METTL9: variants seen among roughly 807,000 people sequenced by gnomAD.
METTL9 encodes protein-L-histidine N-pros-methyltransferase.
Under a neutral mutation model 36.0 loss-of-function variants are expected in METTL9, and 10 were observed. The ratio of observed to expected loss-of-function variants is 0.28; its 90% confidence interval spans 0.17 to 0.47. The LOEUF is 0.47. METTL9 is among the 20% of genes least tolerant of loss of function. The pLI, the probability that METTL9 is intolerant of heterozygous loss-of-function variation, is 0.99. For missense variants in METTL9, 246 were observed against 383.5 expected (o/e 0.64, Z 3.00); for synonymous variants, 175 against 149.7 (o/e 1.17, Z -1.23).
intron 1 of METTL9, among the ~76,000 whole-genome samples, chr16:21,602,389 C>T (rs551700563): frequency 6.6e-6 from 1 of 152,236 alleles, no homozygotes; most frequent in South Asian, 2.1e-4. Flanking sequence ...TGCTCTAAAA[C>T]TGTAGTAGCA....
rs1205166321 is a variant in METTL9 at position 21,652,405 on chromosome 16, CTT to C, written c.752-2821_752-2820del. 3 of 638,472 alleles carry C rather than the reference CTT, an allele frequency of 4.7e-6. No homozygotes were observed. The African/African-American group carries it at 5.6e-5, about 12-fold the overall frequency. 39.6% of individuals were successfully genotyped at this position (638,472 alleles called of 1,614,324 possible). A position where few individuals can be genotyped will look rare whatever the true frequency, so the allele number is the denominator to read the frequency against. On this transcript the variant is annotated intron_variant, in intron 4 of 4. Transcript: ENST00000358154. ...TCAGGGGAAAAAGGAAACTTATCCT[CTT>C]AGGCAGTTTTCATAATGTTATACAT...
intron 4 of METTL9, among the ~76,000 whole-genome samples, chr16:21,649,569 A>G (rs1359825834): frequency 6.6e-6 from 1 of 152,226 alleles, no homozygotes; most frequent in African/African-American, 2.4e-5. Flanking sequence ...GTATATACTG[A>G]GTGGAAATTT....
intron 4 of METTL9, among the ~76,000 whole-genome samples, chr16:21,636,475 G>T (rs1966095347): frequency 6.6e-6 from 1 of 152,188 alleles, no homozygotes; most frequent in South Asian, 2.1e-4. Flanking sequence ...ACTCCAAGAG[G>T]TGAGAGGAAG....
chr16:21,641,500 AT>A (rs1248192426), intron 4 of METTL9: 2 of 1,390,756 alleles, frequency 1.4e-6, no homozygotes, highest in Non-Finnish European at 2.0e-6. Flanking sequence ...CTGGAGTTGG[AT>A]TTTCAGTGAC....
At chr16:21,599,229 A>C (rs1965024252), upstream of METTL9, among the ~76,000 whole-genome samples, 1 of 152,078 alleles carries the variant, frequency 6.6e-6, no homozygotes. This position sits in a 1 kb window ranked among gnomAD's most constrained non-coding sequence, Gnocchi z 4.4. Context: ...GTGGAGTGGG[A>C]TGAGGCGAGG....
In METTL9 at chr16:21,655,273, A is replaced by G. The variant is rs1203112320; in HGVS notation, c.798A>G (p.Gly266=). 2.5e-6 allele frequency: 4 copies of G among 1,614,106 alleles called. No homozygotes were observed. The highest frequency in any genetic ancestry group is 2.2e-5 in the East Asian group (1 of 44,904). ...EKPSEILEIK[G]QNWEEQVNSL... is the part of the protein sequence containing the mutation. ...CATCAGAAATTTTGGAAATCAAAGG[A>G]CAGAACTGGGAAGAACAAGTGAATA... The change falls in exon 5 of 5, where the codon GGA becomes GGG. Residue 266 remains glycine, a synonymous_variant. Transcript: ENST00000358154.
At chr16:21,634,400 A>G (rs1436239971) in intron 4 of METTL9, among the ~76,000 whole-genome samples, 1 of 152,226 alleles carries the variant, frequency 6.6e-6, no homozygotes, top group South Asian at 2.1e-4. Flanking sequence ...TTGCCCCAGC[A>G]TAGTGGACAT....
intron 4 of METTL9, chr16:21,644,523 AT>A: frequency 1.6e-6 from 1 of 635,362 alleles, no homozygotes; most frequent in Non-Finnish European, 2.7e-6. Flanking sequence ...GCCTATTCGT[AT>A]AAAAACTAGA....
At chr16:21,646,746 C>A (rs1966439639) in intron 4 of METTL9, 1 of 292,330 alleles carries the variant, frequency 3.4e-6, no homozygotes, top group East Asian at 8.8e-5. Flanking sequence ...CCTTCGCCTC[C>A]TGGGTTACAA....
rs1449544401 is a variant in METTL9, at chr16:21,599,626, C to T, written c.-108C>T. 8.2e-6 allele frequency: 11 copies of T among 1,334,108 alleles called. No homozygotes were observed. Among genetic ancestry groups the T allele is most frequent in the African/African-American group, 1.6e-5 (1 of 64,260 alleles). The allele number at this position is 1,334,108 out of a possible 1,614,324, so 82.6% of individuals were successfully genotyped here. On this transcript the variant is annotated 5_prime_UTR_variant, in exon 1 of 5. Coordinates refer to ENST00000358154, the MANE Select transcript of METTL9 (RefSeq NM_016025.5). This position sits in a 1 kb window ranked among gnomAD's most constrained non-coding sequence, Gnocchi z 4.4. ...GAAGGGGGCTGGATGGGCAAGGCGG[C>T]CGCGATGGCTCGAGCTCGGGCGGTG...
intron 4 of METTL9, chr16:21,641,470 C>T: frequency 1.1e-6 from 1 of 907,182 alleles, no homozygotes; most frequent in Non-Finnish European, 1.8e-6. Flanking sequence ...GATATATGTT[C>T]ATTAACACTG....
chr16:21,605,356 C>G (rs2152892673), intron 1 of METTL9, among the ~76,000 whole-genome samples: 1 of 130,606 alleles, frequency 7.7e-6, no homozygotes, highest in South Asian at 2.7e-4. Context: ...TCATATCTCA[C>G]TGCAGCCTCA....
chr16:21,638,661 T>C (rs888026167), intron 4 of METTL9, among the ~76,000 whole-genome samples: 14 of 152,132 alleles, frequency 9.2e-5, no homozygotes, highest in Admixed American at 9.2e-4. Flanking sequence ...TATGTCAAAC[T>C]AAGTACTGAA....
chr16:21,650,525 A>AT (rs1966543512), intron 4 of METTL9, among the ~76,000 whole-genome samples: 1 of 151,758 alleles, frequency 6.6e-6, no homozygotes, highest in Non-Finnish European at 1.5e-5. Context: ...AAAAAAAAAA[A>AT]AAATAGAGGT....
At chr16:21,621,201 A>T (rs1189493142) in intron 3 of METTL9, among the ~76,000 whole-genome samples, 3 of 151,888 alleles carry the variant, frequency 2.0e-5, no homozygotes, top group Non-Finnish European at 4.4e-5. Context: ...GTGTAGAGAC[A>T]GGAGTTTCAT....
At chr16:21,610,886 A>G (rs1965409588) in intron 1 of METTL9, among the ~76,000 whole-genome samples, 1 of 152,222 alleles carries the variant, frequency 6.6e-6, no homozygotes, top group Admixed American at 6.5e-5. Flanking sequence ...TAAAAAATAA[A>G]TAAAAGTCAG....
At chr16:21,603,165 G>T (rs1965183326) in intron 1 of METTL9, among the ~76,000 whole-genome samples, 1 of 148,658 alleles carries the variant, frequency 6.7e-6, no homozygotes, top group African/African-American at 2.5e-5. Context: ...TTGGAGACAG[G>T]GTCTCACTGT....
chr16:21,637,676 C>T lies in METTL9; in HGVS notation c.751+12561C>T, dbSNP rs143432967. ...CACCGAGTGCTGGGCCTGCTGAGCC[C>T]GTACACACCCGGAACCTGTGCTGGC... On this transcript the variant is annotated intron_variant, in intron 4 of 4. Coordinates refer to ENST00000358154, the MANE Select transcript of METTL9 (RefSeq NM_016025.5). 3.9e-5 allele frequency among the ~76,000 whole-genome samples: 6 copies of T among 152,360 alleles called. 1 individual carries two copies. The East Asian group carries it at 5.8e-4, about 15-fold the overall frequency.
At chr16:21,621,776 A>G (rs1447509098) in intron 3 of METTL9, among the ~76,000 whole-genome samples, 3 of 152,138 alleles carry the variant, frequency 2.0e-5, no homozygotes. Context: ...AGTTTTCTTT[A>G]TATTGTTAGT....
Sources: allele counts gnomAD v4.1 joint callset (sites outside exome capture counted in the v4.1 genomes callset), GRCh38; gene constraint gnomAD v4.1.1; non-coding constraint Gnocchi (gnomAD v3.1); transcripts MANE v1.5; gene names NCBI Gene and HGNC (gene_info 2026-07-23, HGNC 2026-07-21).